The following TPX2 variants were observed in gnomAD, a reference collection of about 807,000 sequenced individuals.
The protein encoded by TPX2 is TPX2 microtubule nucleation factor.
A neutral mutation model predicts 93.6 loss-of-function variants in TPX2; 21 were observed. That is an observed-to-expected ratio of 0.22 (90% CI 0.16 to 0.32). The LOEUF (loss-of-function observed/expected upper bound fraction) is 0.32, where lower values mean the gene tolerates loss of function less well. Among genes scored for constraint, TPX2 ranks in the 10% least tolerant of loss-of-function variants. The pLI, the probability that TPX2 is intolerant of heterozygous loss-of-function variation, is 1.00. For missense variants in TPX2, 776 were observed against 871.1 expected (o/e 0.89, Z 1.37); for synonymous variants, 281 against 298.3 (o/e 0.94, Z 0.60).
Position 31,794,564 on chromosome 20 carries a change from A to G in TPX2, c.1833+16A>G. ...GAAGCACCAGGTAGGGGATGGGGAG[A>G]GCAGCCAAAATGTTAATTGCTTGGT... On this transcript the variant is annotated intron_variant, in intron 15 of 17. Coordinates refer to ENST00000300403, the MANE Select transcript of TPX2 (RefSeq NM_012112.5). 6.2e-7 allele frequency: 1 copy of G among 1,611,730 alleles called. No homozygotes were observed. Among genetic ancestry groups the G allele is most frequent in the Non-Finnish European group, 8.5e-7 (1 of 1,179,186 alleles).
intron 2 of TPX2, among the ~76,000 whole-genome samples, chr20:31,753,447 T>C (rs1424147587): frequency 6.6e-6 from 1 of 152,200 alleles, no homozygotes; most frequent in East Asian, 1.9e-4. Flanking sequence ...AATGAACACC[T>C]CTGGTAACTG....
chr20:31,775,390 T>A (rs6060937), intron 7 of TPX2, among the ~76,000 whole-genome samples: 42,899 of 151,730 alleles, frequency 0.28, 7,416 homozygotes, highest in African/African-American at 0.48. Context: ...TTATTTATTT[T>A]TTTTGAGATG....
intron 6 of TPX2, among the ~76,000 whole-genome samples, chr20:31,771,259 G>A (rs1475889242): frequency 6.6e-6 from 1 of 152,024 alleles, no homozygotes; most frequent in South Asian, 2.1e-4. Flanking sequence ...ATAGATATTG[G>A]GATGGCAATT....
In TPX2 at chr20:31,760,180, G is replaced by A; in HGVS notation, c.229+1G>A. 1.2e-6 allele frequency: 2 copies of A among 1,613,242 alleles called. No individual in the cohort carries two copies. The highest frequency in any genetic ancestry group is 1.7e-6 in the Non-Finnish European group (2 of 1,179,678). On this transcript the variant is annotated splice_donor_variant, in intron 4 of 17. Coordinates refer to ENST00000300403, the MANE Select transcript of TPX2 (RefSeq NM_012112.5). LOFTEE classifies it high-confidence loss of function. The stretch of plus-strand genomic sequence containing the variant: ...GCTATTGTCACACCTTTGAAACCAG[G>A]TAAGAAAACATCTTAGAAAAAAGCT...
intron 5 of TPX2, 45 bp from the exon 6 acceptor site, chr20:31,770,298 T>C: frequency 7.7e-7 from 1 of 1,306,466 alleles, no homozygotes; most frequent in Admixed American, 3.2e-5. Context: ...TGGATATCTG[T>C]AGTATATATA....
In TPX2 at chr20:31,760,072, T is replaced by G; in HGVS notation, c.122T>G (p.Leu41Trp). Residue 41 changes from leucine (L) to tryptophan (W), a missense_variant, in exon 4 of 18, where the codon TTG (leucine) becomes TGG (tryptophan). Physicochemically the swap from Leu to Trp is moderately conservative, Grantham distance 61. Around this residue, in one of 3 missense-constraint regions of TPX2, gnomAD observed 36 missense variants for 58.3 expected, o/e 0.62. Transcript: ENST00000300403. Reference protein sequence around the residue: ...IDSWFEEKANLENKLLGKNGT... With the variant: ...IDSWFEEKANWENKLLGKNGT... ...CTTTTCACAGAGGAGAAGGCCAATT[T>G]GGAGAATAAGTTACTGGGGAAGAAT... 6.2e-7 allele frequency: 1 copy of G among 1,613,756 alleles called. No individual in the cohort carries two copies. Among genetic ancestry groups the G allele is most frequent in the East Asian group, 2.2e-5 (1 of 44,858 alleles).
chr20:31,758,069 G>T (rs1193535322), intron 3 of TPX2, among the ~76,000 whole-genome samples: 3 of 150,276 alleles, frequency 2.0e-5, no homozygotes, highest in Non-Finnish European at 4.4e-5. Flanking sequence ...TCACAGTCAA[G>T]ATCTTTTATA....
chr20:31,776,328 C>G (rs989164550), intron 8 of TPX2, among the ~76,000 whole-genome samples: 2 of 151,890 alleles, frequency 1.3e-5, no homozygotes, highest in African/African-American at 4.8e-5. Flanking sequence ...GATCCACCCG[C>G]CTCGGCCTCC....
chr20:31,776,075 TTTTTTTTTTTTTTTTTG>T (rs2123040020), intron 8 of TPX2, 87 bp downstream of exon 8: 2 of 572,964 alleles, frequency 3.5e-6, no homozygotes, highest in South Asian at 8.9e-5. Flanking sequence ...TTTTTTTTTT[TTTTTTTTTTTTTTTTTG>T]AGACGGAGTC....
chr20:31,794,247 GA>G (rs2062120891), intron 14 of TPX2, among the ~76,000 whole-genome samples, 154 bp from the exon 15 acceptor site: 1 of 152,184 alleles, frequency 6.6e-6, no homozygotes, highest in African/African-American at 2.4e-5. Flanking sequence ...ATATTAGGAG[GA>G]AAGCCTAGAT....
At chr20:31,780,432 A>T (rs1174461387) in intron 10 of TPX2, among the ~76,000 whole-genome samples, 1 of 152,216 alleles carries the variant, frequency 6.6e-6, no homozygotes, top group Non-Finnish European at 1.5e-5. Context: ...GAAAATAATG[A>T]AATATTCTTC....
intron 1 of TPX2, among the ~76,000 whole-genome samples, chr20:31,741,807 G>T (rs1453548486): frequency 6.6e-6 from 1 of 151,690 alleles, no homozygotes; most frequent in African/African-American, 2.4e-5. Context: ...TAGATACAGG[G>T]TTTCACCACG....
chr20:31,751,037 A>T (rs1426261461), intron 2 of TPX2, among the ~76,000 whole-genome samples: 6 of 152,092 alleles, frequency 3.9e-5, no homozygotes, highest in African/African-American at 1.4e-4. Flanking sequence ...CCTCCTGATT[A>T]GCTGGGACTA....
intron 7 of TPX2, among the ~76,000 whole-genome samples, chr20:31,775,295 G>A (rs987197705): frequency 6.6e-6 from 1 of 151,872 alleles, no homozygotes; most frequent in African/African-American, 2.4e-5. Context: ...TGGATATTTT[G>A]TAATATATTT....
chr20:31,753,792 G>A (rs191664553), intron 2 of TPX2, among the ~76,000 whole-genome samples: 16 of 152,212 alleles, frequency 1.1e-4, no homozygotes, highest in African/African-American at 3.6e-4. Flanking sequence ...TTGGGTGGCC[G>A]AGGCAGGCAG....
At chr20:31,793,633 G>A (rs1212161575) in intron 13 of TPX2, among the ~76,000 whole-genome samples, 1 of 152,120 alleles carries the variant, frequency 6.6e-6, no homozygotes, top group African/African-American at 2.4e-5. Context: ...ACATTCCTGT[G>A]GAAAACTAGA....
At chr20:31,798,262 C>CT in intron 16 of TPX2, 103 bp from the exon 17 acceptor site, 1 of 1,412,212 alleles carries the variant, frequency 7.1e-7, no homozygotes, top group South Asian at 1.2e-5. Context: ...AGAGCACAGT[C>CT]TTCCTGTTAG....
chr20:31,758,256 A>T (rs2061864076), intron 3 of TPX2, among the ~76,000 whole-genome samples: 1 of 150,938 alleles, frequency 6.6e-6, no homozygotes, highest in East Asian at 1.9e-4. Flanking sequence ...AGTAGCTGGG[A>T]TTACAGGCGC....
intron 17 of TPX2, among the ~76,000 whole-genome samples, chr20:31,799,252 C>CA (rs2062155704): frequency 6.6e-6 from 1 of 152,090 alleles, no homozygotes; most frequent in Non-Finnish European, 1.5e-5. Context: ...AATGAAGAAG[C>CA]AGACAGTTTT....
Sources: gnomAD v4.1 joint callset for allele counts (sites outside exome capture counted in the v4.1 genomes callset) on GRCh38, gnomAD v4.1.1 for gene constraint, gnomAD v4.1.1 regional missense constraint, MANE v1.5 for transcripts, NCBI Gene and HGNC (gene_info 2026-07-23, HGNC 2026-07-21) for gene names.